The following DDHD1 variants were observed in gnomAD, a reference collection of about 807,000 sequenced individuals.
DDHD1 encodes the protein phospholipase DDHD1.
A neutral mutation model predicts 96.4 loss-of-function variants in DDHD1; 49 were observed. That is an observed-to-expected ratio of 0.51 (90% CI 0.40 to 0.64). DDHD1 has a LOEUF of 0.64. Ranked by LOEUF, DDHD1 falls within the 30% of genes least tolerant of loss-of-function variation. DDHD1 has a pLI of 0.00. For synonymous variants in DDHD1, 442 were observed against 446.5 expected, an observed-to-expected ratio of 0.99 and a Z score of 0.13; for missense variants, 1,106 against 1,161.2, an observed-to-expected ratio of 0.95 and a Z score of 0.69.
intron 1 of DDHD1, among the ~76,000 whole-genome samples, chr14:53,137,026 C>G (rs1435323002): frequency 6.6e-6 from 1 of 151,964 alleles, no homozygotes; most frequent in African/African-American, 2.4e-5. Context: ...ATTCCTCACT[C>G]CCTAGATTCA....
At position 53,152,970 on chromosome 14, in the gene DDHD1, G is replaced by A. The variant is rs1250799776; in HGVS notation, c.129C>T (p.His43=). Residue 43 remains histidine, a synonymous_variant, in exon 1 of 13, where the codon CAC becomes CAT. Transcript: ENST00000673822. The part of the protein sequence containing the change: ...AFGGGVCCFE[H]LPGGDPDDGD... Reference sequence around the variant, plus strand: ...CGTCGTCCGGGTCCCCGCCGGGCAGGTGCTCGAAGCAGCAGACGCCGCCGC... The same window carrying A: ...CGTCGTCCGGGTCCCCGCCGGGCAGATGCTCGAAGCAGCAGACGCCGCCGC... 2 of 1,581,358 alleles carry A rather than the reference G, an allele frequency of 1.3e-6. No individual in the cohort carries two copies. The highest frequency in any genetic ancestry group is 2.1e-4 in the Middle Eastern group (1 of 4,682).
chr14:53,116,523 C>G (rs763989139), intron 1 of DDHD1, among the ~76,000 whole-genome samples: 3 of 152,146 alleles, frequency 2.0e-5, no homozygotes, highest in African/African-American at 4.8e-5. Context: ...AACAAACAGT[C>G]TCTCAGACCA....
At chr14:53,148,837 T>A (rs1279915732) in intron 1 of DDHD1, among the ~76,000 whole-genome samples, 1 of 152,222 alleles carries the variant, frequency 6.6e-6, no homozygotes, top group Non-Finnish European at 1.5e-5. Flanking sequence ...ATAAGGTGTA[T>A]AGTTTTTGTG....
intron 6 of DDHD1, among the ~76,000 whole-genome samples, chr14:53,065,014 C>A (rs1008008408): frequency 6.6e-6 from 1 of 152,116 alleles, no homozygotes; most frequent in Non-Finnish European, 1.5e-5. Flanking sequence ...TGGGACATCT[C>A]AGCCAAGATT....
chr14:53,124,283 T>G (rs1889264285), intron 1 of DDHD1, among the ~76,000 whole-genome samples: 1 of 149,632 alleles, frequency 6.7e-6, no homozygotes, highest in Admixed American at 6.6e-5. Flanking sequence ...ATCAAATATT[T>G]AATTGGTAAA....
chr14:53,125,185 G>A (rs1267897993), intron 1 of DDHD1, among the ~76,000 whole-genome samples: 1 of 152,080 alleles, frequency 6.6e-6, no homozygotes, highest in Admixed American at 6.5e-5. Flanking sequence ...TAGCCTTTTT[G>A]CAAATTTTAA....
chr14:53,070,077 G>C (rs1013970591), intron 6 of DDHD1, among the ~76,000 whole-genome samples: 1 of 152,134 alleles, frequency 6.6e-6, no homozygotes, highest in African/African-American at 2.4e-5. Flanking sequence ...CCAACAGCCA[G>C]AGCTCTGAGC....
chr14:53,097,181 T>C (rs569543427), intron 2 of DDHD1, among the ~76,000 whole-genome samples: 79 of 152,118 alleles, frequency 5.2e-4, no homozygotes, highest in Admixed American at 1.0e-3. Flanking sequence ...TCTATATTAA[T>C]GTGACATTCA....
At chr14:53,097,524 C>T (rs1211055528) in intron 2 of DDHD1, among the ~76,000 whole-genome samples, 1 of 151,848 alleles carries the variant, frequency 6.6e-6, no homozygotes, top group Non-Finnish European at 1.5e-5. Flanking sequence ...GCAGATGTAC[C>T]ACTTAGACCA....
chr14:53,085,396 C>T (rs186587322), intron 4 of DDHD1, among the ~76,000 whole-genome samples: 1 of 152,292 alleles, frequency 6.6e-6, no homozygotes, highest in Admixed American at 6.5e-5. Context: ...CCTCACACAG[C>T]CGGGTGCCCC....
At chr14:53,085,856 C>G (rs1885900476) in intron 4 of DDHD1, among the ~76,000 whole-genome samples, 1 of 152,068 alleles carries the variant, frequency 6.6e-6, no homozygotes, top group Non-Finnish European at 1.5e-5. Flanking sequence ...CTTCTCTGAG[C>G]TAAAGGAGCA....
intron 4 of DDHD1, among the ~76,000 whole-genome samples, chr14:53,074,497 T>C (rs1047038100): frequency 5.3e-5 from 8 of 151,914 alleles, no homozygotes; most frequent in African/African-American, 1.9e-4. Context: ...AAGAAAAACA[T>C]AACCTATTCA....
chr14:53,084,539 T>C (rs889741840), intron 4 of DDHD1, among the ~76,000 whole-genome samples: 3 of 152,076 alleles, frequency 2.0e-5, no homozygotes, highest in Admixed American at 2.0e-4. Flanking sequence ...GAGAGTAAAA[T>C]CAGGATCAGA....
chr14:53,146,028 G>A (rs1244923941), intron 1 of DDHD1, among the ~76,000 whole-genome samples: 4 of 152,024 alleles, frequency 2.6e-5, no homozygotes, highest in African/African-American at 9.7e-5. Context: ...CCAACATAGT[G>A]AAACCCTGTC....
intron 6 of DDHD1, among the ~76,000 whole-genome samples, chr14:53,069,821 G>T (rs925694526): frequency 6.6e-6 from 1 of 152,112 alleles, no homozygotes; most frequent in South Asian, 2.1e-4. Context: ...TCTAGTCAGG[G>T]ATGTTTGAAA....
In DDHD1 at chr14:53,058,940, C is replaced by T. The variant is rs1042072817; in HGVS notation, c.1843-314G>A. Among the ~76,000 whole-genome samples the T allele has an allele frequency of 2.2e-4, 33 of 152,188 alleles. 1 individual carries two copies. The highest frequency in any genetic ancestry group is 7.5e-4 in the African/African-American group (31 of 41,534). On this transcript the variant is annotated intron_variant, in intron 8 of 12. Coordinates refer to ENST00000673822, the MANE Select transcript of DDHD1 (RefSeq NM_001160148.2). ...ACTACTTTGTGTGAAGTAATACACT[C>T]GGTGCTGTGATAGATATAAAGACCA...
At chr14:53,124,183 C>T (rs1292069865) in intron 1 of DDHD1, among the ~76,000 whole-genome samples, 3 of 150,572 alleles carry the variant, frequency 2.0e-5, no homozygotes, top group Non-Finnish European at 3.0e-5. Flanking sequence ...TACAGTGAGC[C>T]GAGATCACGC....
chr14:53,143,215 T>C (rs1391133243), intron 1 of DDHD1, among the ~76,000 whole-genome samples: 1 of 152,178 alleles, frequency 6.6e-6, no homozygotes, highest in Non-Finnish European at 1.5e-5. Flanking sequence ...TCCTTAACAT[T>C]CTTGAAACAC....
chr14:53,059,799 G>A (rs1018263095), intron 8 of DDHD1, among the ~76,000 whole-genome samples: 2 of 144,520 alleles, frequency 1.4e-5, no homozygotes, highest in South Asian at 2.2e-4. Flanking sequence ...GAGGGGCGGA[G>A]GTTGCAGTGG....
Sources: allele counts gnomAD v4.1 joint callset (sites outside exome capture counted in the v4.1 genomes callset), GRCh38; gene constraint gnomAD v4.1.1; transcripts MANE v1.5; gene names NCBI Gene and HGNC (gene_info 2026-07-23, HGNC 2026-07-21).